Variants in MBNL3 observed in about 807,000 individuals in gnomAD.
MBNL3 encodes the protein muscleblind-like protein 3.
A neutral mutation model predicts 24.5 loss-of-function variants in MBNL3; 6 were observed. The ratio of observed to expected loss-of-function variants is 0.25; its 90% CI spans 0.13 to 0.48. The LOEUF is 0.48. Ranked by LOEUF, MBNL3 falls within the 20% of genes least tolerant of loss-of-function variation. The pLI, the probability that MBNL3 is intolerant of heterozygous loss-of-function variation, is 0.99. For missense variants in MBNL3, 230 were observed against 293.5 expected (o/e 0.78, Z 1.58); for synonymous variants, 100 against 101.7 (o/e 0.98, Z 0.10).
chrX:132,442,703 C>A (rs1165001312), intron 1 of MBNL3, among the ~76,000 whole-genome samples: 1 of 112,868 alleles, frequency 8.9e-6, no homozygotes, highest in Non-Finnish European at 1.9e-5. Context: ...AAAGAATTGG[C>A]TTCTGGCCAT....
chrX:132,374,081 G>A lies in MBNL3; in HGVS notation c.*5585C>T, dbSNP rs1424391943. ...GTTTTGGTTACTGGATCTTAAAGGA[G>A]GAACAATGGTCAACATTAACAATTT... On this transcript the variant is annotated 3_prime_UTR_variant, in exon 9 of 9. Transcript: ENST00000370853. The A allele has an allele frequency of 2.7e-5, 3 of 111,259 alleles. No individual in the cohort carries two copies. The highest frequency in any genetic ancestry group is 3.8e-4 in the South Asian group (1 of 2,654). 9.2% of individuals were successfully genotyped at this position (111,259 alleles called of 1,213,427 possible). A position where few individuals can be genotyped will look rare whatever the true frequency, so the allele number is the denominator to read the frequency against.
chrX:132,413,953 T>C (rs1001144074), intron 2 of MBNL3, among the ~76,000 whole-genome samples: 6 of 112,268 alleles, frequency 5.3e-5, no homozygotes, highest in Non-Finnish European at 9.4e-5. Flanking sequence ...TTCAGCCCTG[T>C]CTTTGGAATA....
At chrX:132,455,412 T>A (rs1380970347) in intron 1 of MBNL3, among the ~76,000 whole-genome samples, 1 of 112,102 alleles carries the variant, frequency 8.9e-6, no homozygotes, top group African/African-American at 3.2e-5. Flanking sequence ...ACGTTTTGGA[T>A]ATCAAAAAGC....
At chrX:132,390,256 CAACAACAACAAA>C (rs1936908780) in intron 5 of MBNL3, among the ~76,000 whole-genome samples, 1 of 48,825 alleles carries the variant, frequency 2.0e-5, no homozygotes, top group Non-Finnish European at 3.5e-5. Context: ...AACAAAACAA[CAACAACAACAAA>C]AAAAAAAAAA....
At chrX:132,429,596 A>C (rs934917890) in intron 2 of MBNL3, among the ~76,000 whole-genome samples, 1 of 112,311 alleles carries the variant, frequency 8.9e-6, no homozygotes, top group Admixed American at 9.4e-5. Flanking sequence ...CTAAATTATC[A>C]TGAATCAGAA....
chrX:132,435,374 A>G lies in MBNL3; in HGVS notation c.177+4061T>C, dbSNP rs767569500. Among the ~76,000 whole-genome samples, 561 of 111,680 alleles carry G rather than the reference A, an allele frequency of 5.0e-3. 1 individual carries two copies. Among genetic ancestry groups the G allele is most frequent in the Non-Finnish European group, 8.7e-3 (462 of 53,036 alleles). ...TTATGTGTCTTTATAGTGTAGACAG[A>G]CCTCTCTGATGGAGCTGATAAATGG... On this transcript the variant is annotated intron_variant, in intron 2 of 8. Transcript: ENST00000370853.
intron 5 of MBNL3, 72 bp from the exon 6 acceptor site, chrX:132,386,883 T>C: frequency 9.1e-7 from 1 of 1,102,708 alleles, no homozygotes; most frequent in East Asian, 3.0e-5. Flanking sequence ...GCACCAGTCA[T>C]ATAAGGTATT....
At chrX:132,399,962 C>T (rs1422609358) in intron 3 of MBNL3, among the ~76,000 whole-genome samples, 1 of 110,782 alleles carries the variant, frequency 9.0e-6, no homozygotes, top group Non-Finnish European at 1.9e-5. Context: ...GCACCAGGCT[C>T]CAACTAACTG....
At chrX:132,380,374 C>A (rs772555755) in intron 8 of MBNL3, among the ~76,000 whole-genome samples, 4 of 112,166 alleles carry the variant, frequency 3.6e-5, no homozygotes, top group Admixed American at 9.4e-5. Context: ...CAAGTTGCCA[C>A]TATCCCAAAT....
chrX:132,464,224 T>A (rs912902060), intron 1 of MBNL3, among the ~76,000 whole-genome samples: 2 of 112,423 alleles, frequency 1.8e-5, no homozygotes, highest in African/African-American at 6.5e-5. Context: ...TTTCTCTCAT[T>A]ACTAAAGAAC....
chrX:132,475,600 A>C (rs1947397540), intron 1 of MBNL3, among the ~76,000 whole-genome samples: 1 of 112,318 alleles, frequency 8.9e-6, no homozygotes, highest in Non-Finnish European at 1.9e-5. Context: ...AGCATCTGGC[A>C]CACAGTAATT....
intron 1 of MBNL3, among the ~76,000 whole-genome samples, chrX:132,487,372 ACTT>A (rs1280731884): frequency 8.9e-6 from 1 of 112,089 alleles, no homozygotes; most frequent in Admixed American, 9.5e-5. Flanking sequence ...TGCCCCACAT[ACTT>A]CTTTCAAGAA....
At chrX:132,385,914 A>G (rs1935936990) in intron 6 of MBNL3, among the ~76,000 whole-genome samples, 1 of 110,562 alleles carries the variant, frequency 9.0e-6, no homozygotes, top group African/African-American at 3.3e-5. Flanking sequence ...ATGGAAAAAA[A>G]AAACTGCTGT....
chrX:132,448,484 G>C (rs765233102), intron 1 of MBNL3, among the ~76,000 whole-genome samples: 18 of 111,588 alleles, frequency 1.6e-4, no homozygotes, highest in Non-Finnish European at 3.4e-4. Context: ...GGGATCAGTG[G>C]TGATATCCCC....
intron 1 of MBNL3, among the ~76,000 whole-genome samples, chrX:132,478,816 T>C (rs1186325154): frequency 8.9e-6 from 1 of 112,707 alleles, no homozygotes; most frequent in Non-Finnish European, 1.9e-5. Context: ...TACCACAAGG[T>C]AATGCTGTTG....
intron 2 of MBNL3, among the ~76,000 whole-genome samples, chrX:132,415,112 T>C (rs1271378620): frequency 8.9e-6 from 1 of 111,847 alleles, no homozygotes; most frequent in African/African-American, 3.3e-5. Context: ...CTTTCCTACA[T>C]TGTGACTTCT....
intron 1 of MBNL3, among the ~76,000 whole-genome samples, chrX:132,460,047 C>G (rs982932366): frequency 2.7e-5 from 3 of 111,073 alleles, no homozygotes; most frequent in Non-Finnish European, 5.7e-5. Context: ...TTAACAGTTG[C>G]CCAAGGGATA....
intron 2 of MBNL3, among the ~76,000 whole-genome samples, chrX:132,427,778 G>A (rs1325180024): frequency 8.9e-6 from 1 of 111,790 alleles, no homozygotes; most frequent in African/African-American, 3.2e-5. Context: ...ATTTTTGCAC[G>A]CTAAGACAGA....
chrX:132,404,078 A>G (rs1051877383), intron 3 of MBNL3, among the ~76,000 whole-genome samples: 4 of 110,388 alleles, frequency 3.6e-5, no homozygotes, highest in Admixed American at 2.9e-4. Flanking sequence ...AAGGTTCCAC[A>G]TATGAGTGAG....
Sources: gnomAD v4.1 joint callset for allele counts (sites outside exome capture counted in the v4.1 genomes callset) on GRCh38, gnomAD v4.1.1 for gene constraint, MANE v1.5 for transcripts, NCBI Gene and HGNC (gene_info 2026-07-23, HGNC 2026-07-21) for gene names.